The following MMP26 variants were observed in gnomAD, a reference collection of about 807,000 sequenced individuals.
The protein encoded by MMP26 is matrix metallopeptidase 26.
A neutral mutation model predicts 31.0 loss-of-function variants in MMP26; 33 were observed. That is an observed-to-expected ratio of 1.06 (90% CI 0.81 to 1.42). The LOEUF is 1.42. Among genes scored for constraint, MMP26 ranks in the 40% most tolerant of loss-of-function variants. MMP26 has a pLI of 0.00. For missense variants in MMP26, 347 were observed against 316.1 expected, an observed-to-expected ratio of 1.10 and a Z score of -0.74; for synonymous variants, 122 against 114.9, an observed-to-expected ratio of 1.06 and a Z score of -0.40.
At chr11:4,758,488 CTAAAA>C (rs1848532917) in intron 1 of MMP26, among the ~76,000 whole-genome samples, 1 of 102,594 alleles carries the variant, frequency 9.7e-6, no homozygotes, top group Non-Finnish European at 2.1e-5. Flanking sequence ...AAAAAAAAAA[CTAAAA>C]TAAAGCATAG....
At chr11:4,762,317 A>G (rs2133411847) in intron 1 of MMP26, among the ~76,000 whole-genome samples, 1 of 152,314 alleles carries the variant, frequency 6.6e-6, no homozygotes, top group East Asian at 1.9e-4. Flanking sequence ...AATAAGGTTA[A>G]TTACATATAG....
At chr11:4,930,725 T>A (rs1052651471) in intron 2 of MMP26, among the ~76,000 whole-genome samples, 1 of 152,086 alleles carries the variant, frequency 6.6e-6, no homozygotes, top group Non-Finnish European at 1.5e-5. Flanking sequence ...TTTACTATAC[T>A]TGCACAGGGA....
intron 1 of MMP26, among the ~76,000 whole-genome samples, chr11:4,707,107 C>T (rs1237223818): frequency 2.6e-5 from 4 of 152,170 alleles, no homozygotes; most frequent in Admixed American, 1.3e-4. Context: ...AGTGGATGTG[C>T]TGTTTTTCAC....
chr11:4,977,429 A>G (rs924343582), intron 2 of MMP26, among the ~76,000 whole-genome samples: 4 of 152,126 alleles, frequency 2.6e-5, no homozygotes, highest in African/African-American at 9.7e-5. Context: ...TTGACGGGCC[A>G]TTGGATGTAG....
At chr11:4,778,776 T>G (rs1307914014) in intron 2 of MMP26, among the ~76,000 whole-genome samples, 1 of 152,098 alleles carries the variant, frequency 6.6e-6, no homozygotes, top group Admixed American at 6.5e-5. Context: ...CAATTTCTGA[T>G]GATTAATAGT....
chr11:4,911,867 T>G (rs1850997190), intron 2 of MMP26, among the ~76,000 whole-genome samples: 1 of 152,226 alleles, frequency 6.6e-6, no homozygotes, highest in African/African-American at 2.4e-5. Flanking sequence ...GAACAGGTTT[T>G]GTTATCCTTT....
At chr11:4,971,019 A>T (rs898137227) in intron 2 of MMP26, among the ~76,000 whole-genome samples, 2 of 152,224 alleles carry the variant, frequency 1.3e-5, no homozygotes, top group Non-Finnish European at 1.5e-5. Flanking sequence ...AATTCCCATT[A>T]GGAAAAGAAG....
intron 2 of MMP26, among the ~76,000 whole-genome samples, chr11:4,852,391 A>G (rs149076045): frequency 6.6e-6 from 1 of 152,194 alleles, no homozygotes; most frequent in South Asian, 2.1e-4. Flanking sequence ...CAGACTGCAT[A>G]TTCTTTTCAA....
chr11:4,753,445 C>A (rs1848471040), intron 1 of MMP26, among the ~76,000 whole-genome samples: 1 of 152,030 alleles, frequency 6.6e-6, no homozygotes, highest in African/African-American at 2.4e-5. Context: ...GTACTCTCAT[C>A]ATTTTGATTA....
At chr11:4,820,384 C>A (rs1849478550) in intron 2 of MMP26, among the ~76,000 whole-genome samples, 1 of 152,002 alleles carries the variant, frequency 6.6e-6, no homozygotes, top group Admixed American at 6.6e-5. Flanking sequence ...TCAAGAAATG[C>A]TGGCTATTGT....
intron 2 of MMP26, among the ~76,000 whole-genome samples, chr11:4,976,103 G>A (rs1009498907): frequency 5.3e-5 from 8 of 152,104 alleles, no homozygotes; most frequent in Admixed American, 3.3e-4. Flanking sequence ...GACTCTAGAG[G>A]AACTAGAACA....
intron 2 of MMP26, among the ~76,000 whole-genome samples, chr11:4,791,371 G>A (rs7952606): frequency 0.27 from 40,654 of 151,888 alleles, 6,895 homozygotes; most frequent in African/African-American, 0.48. Flanking sequence ...TCCTAGTAGA[G>A]GACTCTATAA....
intron 2 of MMP26, among the ~76,000 whole-genome samples, chr11:4,796,497 A>T (rs1849109918): frequency 6.6e-6 from 1 of 152,204 alleles, no homozygotes; most frequent in Non-Finnish European, 1.5e-5. Context: ...ACCATGCCCA[A>T]CATAGCTGCA....
chr11:4,766,827 T>G (rs1275655721), intron 1 of MMP26, among the ~76,000 whole-genome samples: 1 of 151,956 alleles, frequency 6.6e-6, no homozygotes, highest in Non-Finnish European at 1.5e-5. Flanking sequence ...CTCTGACAAT[T>G]TAAAAATTTT....
chr11:4,729,376 G>A (rs1848143329), intron 1 of MMP26, among the ~76,000 whole-genome samples: 1 of 152,098 alleles, frequency 6.6e-6, no homozygotes, highest in Admixed American at 6.5e-5. Context: ...TGGTGTTATT[G>A]GAGCTCAGGA....
In MMP26 at chr11:4,747,578, CT is replaced by C. The variant is rs201424697; in HGVS notation, c.-216-19684del. On this transcript the variant is annotated intron_variant, in intron 1 of 7. Coordinates refer to ENST00000380390, the MANE Select transcript of MMP26 (RefSeq NM_021801.5). ...CTAAAATATATTTCATTAATGAGAA[CT>C]TTTTTTTGTATATTAATATTTCATT... Among the ~76,000 whole-genome samples, 734 of 151,816 alleles carry C rather than the reference CT, an allele frequency of 4.8e-3. 5 individuals carry two copies. The highest frequency in any genetic ancestry group is 0.015 in the African/African-American group (636 of 41,438).
intron 1 of MMP26, among the ~76,000 whole-genome samples, chr11:4,744,321 G>C (rs1325944001): frequency 1.3e-5 from 2 of 152,110 alleles, no homozygotes. Flanking sequence ...TAAAATACTA[G>C]GACATTTCCT....
rs933009323 is a variant in MMP26, at chr11:4,848,571, G to A, written c.-145+81230G>A. 4.4e-6 allele frequency: 7 copies of A among 1,608,370 alleles called. No homozygotes were observed. In the African/African-American group the frequency reaches 9.4e-5, roughly 22 times the overall value. ...AATAAGCAGGGGGTCCAAACCCATGGCTGAAAGAACCACAAATAGGCTGTA... is the reference window on the plus strand; with the variant it reads ...AATAAGCAGGGGGTCCAAACCCATGACTGAAAGAACCACAAATAGGCTGTA... On this transcript the variant is annotated intron_variant, in intron 2 of 7. Coordinates refer to ENST00000380390, the MANE Select transcript of MMP26 (RefSeq NM_021801.5).
intron 2 of MMP26, among the ~76,000 whole-genome samples, chr11:4,897,934 A>G (rs1850736198): frequency 6.7e-6 from 1 of 148,236 alleles, no homozygotes; most frequent in African/African-American, 2.4e-5. Context: ...ATAAATAAAA[A>G]TTAAATAATA....
Sources: allele counts gnomAD v4.1 joint callset (sites outside exome capture counted in the v4.1 genomes callset), GRCh38; gene constraint gnomAD v4.1.1; transcripts MANE v1.5; gene names NCBI Gene and HGNC (gene_info 2026-07-23, HGNC 2026-07-21).